Variants in SLCO2A1 observed in about 807,000 individuals in gnomAD.
The protein encoded by SLCO2A1 is solute carrier organic anion transporter family member 2A1.
Under a neutral mutation model 71.7 loss-of-function variants are expected in SLCO2A1, and 60 were observed. That is an observed-to-expected ratio of 0.84 (90% CI 0.68 to 1.04). The LOEUF (loss-of-function observed/expected upper bound fraction) is 1.04, where lower values mean the gene tolerates loss of function less well. SLCO2A1 is among the 50% of genes least tolerant of loss of function. The pLI is 0.00. For synonymous variants in SLCO2A1, 308 were observed against 326.7 expected (o/e 0.94, Z 0.62); for missense variants, 745 against 813.4 (o/e 0.92, Z 1.02).
At chr3:133,952,792 G>A (rs1933779294) in intron 5 of SLCO2A1, among the ~76,000 whole-genome samples, 1 of 152,140 alleles carries the variant, frequency 6.6e-6, no homozygotes, top group Admixed American at 6.5e-5. Flanking sequence ...TTTTACAGAT[G>A]AGGAAGCTGA....
chr3:133,963,557 C>T (rs1487644264), intron 3 of SLCO2A1, among the ~76,000 whole-genome samples: 1 of 152,242 alleles, frequency 6.6e-6, no homozygotes, highest in Non-Finnish European at 1.5e-5. Context: ...AGGAGGGCTC[C>T]TTCAAGTCAT....
At position 134,015,726 on chromosome 3, in the gene SLCO2A1, A is replaced by G. The variant is rs114174654; in HGVS notation, c.96+13981T>C. On this transcript the variant is annotated intron_variant, in intron 1 of 13. Coordinates refer to ENST00000310926, the MANE Select transcript of SLCO2A1 (RefSeq NM_005630.3). ...AATTATGCCAATCAAAAACTTGTCA[A>G]TCAAAAATAATAAATTTTTAAAGAA... 7.5e-3 allele frequency among the ~76,000 whole-genome samples: 1,146 copies of G among 152,344 alleles called. 17 individuals are homozygous for G. The highest frequency in any genetic ancestry group is 0.026 in the African/African-American group (1,090 of 41,592).
chr3:133,982,481 C>A (rs1360182885), intron 1 of SLCO2A1, among the ~76,000 whole-genome samples: 2 of 152,154 alleles, frequency 1.3e-5, no homozygotes, highest in African/African-American at 2.4e-5. Flanking sequence ...CACTCCTAGG[C>A]CCCTCAAACT....
intron 1 of SLCO2A1, among the ~76,000 whole-genome samples, chr3:134,011,292 G>A (rs1351052428): frequency 3.9e-5 from 6 of 152,116 alleles, no homozygotes; most frequent in Non-Finnish European, 4.4e-5. Flanking sequence ...CTTGTGATCC[G>A]CCCACCTTGG....
intron 2 of SLCO2A1, among the ~76,000 whole-genome samples, chr3:133,977,220 A>T (rs1934481950): frequency 1.3e-5 from 2 of 152,202 alleles, no homozygotes; most frequent in Admixed American, 1.3e-4. Context: ...CTATCTGATG[A>T]TATTTGCTTC....
At position 133,973,725 on chromosome 3, in the gene SLCO2A1, G is replaced by T. The variant is rs1934384455; in HGVS notation, c.335C>A (p.Ala112Asp). The T allele has an allele frequency of 6.2e-7, 1 of 1,613,992 alleles. No homozygotes were observed. Among genetic ancestry groups the T allele is most frequent in the African/African-American group, 1.3e-5 (1 of 74,904 alleles). The change falls in exon 3 of 14, where the codon GCC becomes GAC. Residue 112 changes from alanine (A) to aspartate (D), a missense_variant. Ala to Asp is a moderately radical substitution (Grantham distance 126). Coordinates refer to ENST00000310926, the MANE Select transcript of SLCO2A1 (RefSeq NM_005630.3). ...GIGGLFLAAG[A>D]FILTLPHFLS... ...GAAGTGTGGGAGGGTGAGGATGAAGGCACCTGCAGCCAGGAAGAGACCTCC... is the reference window on the plus strand; with the variant it reads ...GAAGTGTGGGAGGGTGAGGATGAAGTCACCTGCAGCCAGGAAGAGACCTCC...
At chr3:133,941,379 G>A (rs1357928515) in intron 11 of SLCO2A1, among the ~76,000 whole-genome samples, 2 of 152,008 alleles carry the variant, frequency 1.3e-5, no homozygotes, top group Admixed American at 6.6e-5. Flanking sequence ...CTTTGAGTTC[G>A]ATATCATCAT....
intron 3 of SLCO2A1, among the ~76,000 whole-genome samples, chr3:133,971,467 G>A (rs764695302): frequency 1.3e-5 from 2 of 152,226 alleles, no homozygotes; most frequent in South Asian, 2.1e-4. Context: ...GGGGGAAAGA[G>A]TTCCATGACC....
intron 9 of SLCO2A1, among the ~76,000 whole-genome samples, chr3:133,947,045 A>C (rs948804139): frequency 3.3e-5 from 5 of 151,970 alleles, no homozygotes; most frequent in Non-Finnish European, 7.4e-5. Context: ...AACCTGGGAG[A>C]ATCACTTGAA....
At chr3:134,020,777 G>T (rs193079536) in intron 1 of SLCO2A1, among the ~76,000 whole-genome samples, 157 of 141,774 alleles carry the variant, frequency 1.1e-3, no homozygotes, top group African/African-American at 4.0e-3. Context: ...GCCTGATCAC[G>T]CATGGTGTGC....
intron 2 of SLCO2A1, among the ~76,000 whole-genome samples, chr3:133,978,137 G>A (rs1446973510): frequency 1.3e-5 from 2 of 152,200 alleles, no homozygotes; most frequent in East Asian, 1.9e-4. Flanking sequence ...CCCATGAAGT[G>A]AGGGGCACCA....
At chr3:134,010,545 A>G (rs1935313594) in intron 1 of SLCO2A1, among the ~76,000 whole-genome samples, 1 of 152,098 alleles carries the variant, frequency 6.6e-6, no homozygotes, top group South Asian at 2.1e-4. Flanking sequence ...CAAGGTCAGG[A>G]CTTCAAGACC....
At chr3:133,960,114 C>A (rs955421406) in intron 3 of SLCO2A1, among the ~76,000 whole-genome samples, 2 of 144,780 alleles carry the variant, frequency 1.4e-5, no homozygotes. Context: ...AGCGAGACTC[C>A]GTCTCAAAAA....
chr3:134,013,318 A>G (rs6439450), intron 1 of SLCO2A1, among the ~76,000 whole-genome samples: 88,519 of 152,052 alleles, frequency 0.58, 26,223 homozygotes, highest in South Asian at 0.72. Flanking sequence ...AGAATGACTT[A>G]TAAAACAGTT....
intron 3 of SLCO2A1, among the ~76,000 whole-genome samples, chr3:133,969,759 A>C (rs1170285597): frequency 1.3e-5 from 2 of 152,224 alleles, no homozygotes; most frequent in Non-Finnish European, 2.9e-5. Flanking sequence ...ACTAAAGTTC[A>C]GAAAGGTGAG....
chr3:133,966,636 T>G (rs1458349426), intron 3 of SLCO2A1, among the ~76,000 whole-genome samples: 1 of 152,236 alleles, frequency 6.6e-6, no homozygotes, highest in Non-Finnish European at 1.5e-5. Context: ...ACATCCTCTC[T>G]GACTGTGTCC....
intron 1 of SLCO2A1, among the ~76,000 whole-genome samples, chr3:133,998,193 C>A (rs1935019735): frequency 6.6e-6 from 1 of 152,228 alleles, no homozygotes; most frequent in African/African-American, 2.4e-5. Flanking sequence ...CTAGGCCCAC[C>A]ACACATTTCC....
chr3:134,027,365 T>C (rs1199137019), intron 1 of SLCO2A1, among the ~76,000 whole-genome samples: 5 of 152,212 alleles, frequency 3.3e-5, no homozygotes. Context: ...ATTACAGACA[T>C]TGTACAGAAA....
At chr3:134,023,580 G>C (rs894510896) in intron 1 of SLCO2A1, among the ~76,000 whole-genome samples, 1 of 152,154 alleles carries the variant, frequency 6.6e-6, no homozygotes, top group Non-Finnish European at 1.5e-5. Context: ...CCAATGTTCT[G>C]TGGACCACTA....
Sources: gnomAD v4.1 joint callset for allele counts (sites outside exome capture counted in the v4.1 genomes callset) on GRCh38, gnomAD v4.1.1 for gene constraint, MANE v1.5 for transcripts, NCBI Gene and HGNC (gene_info 2026-07-23, HGNC 2026-07-21) for gene names.